Variants in SLC22A2 observed in about 807,000 individuals in gnomAD.
The protein encoded by SLC22A2 is solute carrier family 22 member 2.
A neutral mutation model predicts 60.5 loss-of-function variants in SLC22A2; 46 were observed. The ratio of observed to expected loss-of-function variants is 0.76; its 90% CI spans 0.60 to 0.97. The LOEUF (loss-of-function observed/expected upper bound fraction) is 0.97. Ranked by LOEUF, SLC22A2 falls within the 50% of genes least tolerant of loss-of-function variation. SLC22A2 has a pLI of 0.00. For missense variants in SLC22A2, 701 were observed against 706.6 expected, an observed-to-expected ratio of 0.99 and a Z score of 0.09; for synonymous variants, 303 against 267.0, an observed-to-expected ratio of 1.13 and a Z score of -1.31.
intron 2 of SLC22A2, among the ~76,000 whole-genome samples, chr6:160,252,331 T>G (rs1243006309): frequency 6.6e-6 from 1 of 152,194 alleles, no homozygotes; most frequent in Admixed American, 6.5e-5. Flanking sequence ...TAGTGCCCCA[T>G]GTAGATGGAC....
rs757654223 is a variant in SLC22A2, at chr6:160,247,715, G to C, written c.843-417C>G. On this transcript the variant is annotated intron_variant, in intron 4 of 10. Transcript: ENST00000366953. ...CCAAAGGAATGAGATAAGAATTTGA[G>C]GTCAGAGGGTGAGGTAACTGAAAAG... 5.5e-4 allele frequency among the ~76,000 whole-genome samples: 84 copies of C among 152,220 alleles called. 1 individual carries two copies. Among genetic ancestry groups the C allele is most frequent in the Non-Finnish European group, 1.0e-3 (68 of 68,034 alleles).
At chr6:160,228,501 TC>T (rs778484339) in intron 9 of SLC22A2, among the ~76,000 whole-genome samples, 19 of 152,310 alleles carry the variant, frequency 1.2e-4, no homozygotes, top group Non-Finnish European at 2.4e-4. Flanking sequence ...TAGAGGTCCC[TC>T]TCAGTAAAGT....
At chr6:160,234,840 T>G (rs928788335) in intron 9 of SLC22A2, among the ~76,000 whole-genome samples, 2 of 152,242 alleles carry the variant, frequency 1.3e-5, no homozygotes, top group African/African-American at 4.8e-5. Context: ...TTTACAATGG[T>G]GGCCCAGGGT....
At position 160,258,798 on chromosome 6, in the gene SLC22A2, C is replaced by G; in HGVS notation, c.-41G>C. The G allele has an allele frequency of 6.7e-7, 1 of 1,502,740 alleles. No homozygotes were observed. Among genetic ancestry groups the G allele is most frequent in the Non-Finnish European group, 8.9e-7 (1 of 1,126,988 alleles). 93.1% of individuals were successfully genotyped at this position (1,502,740 alleles called of 1,614,324 possible). A position where few individuals can be genotyped will look rare whatever the true frequency, so the allele number is the denominator to read the frequency against. On this transcript the variant is annotated 5_prime_UTR_variant, in exon 1 of 11. Transcript: ENST00000366953. The stretch of plus-strand genomic sequence containing the variant: ...AGGGCCCGAGGCTGCCCGACGTGCC[C>G]GGAGCGAGGCTGAGAGCGGCTGCAG...
At chr6:160,232,573 T>TA (rs35356995) in intron 9 of SLC22A2, among the ~76,000 whole-genome samples, 103,918 of 149,552 alleles carry the variant, frequency 0.69, 37,918 homozygotes, top group Admixed American at 0.81. Context: ...AATGCCTCTT[T>TA]AAAAAAAAAA....
chr6:160,254,217 G>A (rs1783232557), intron 2 of SLC22A2, among the ~76,000 whole-genome samples: 1 of 152,182 alleles, frequency 6.6e-6, no homozygotes, highest in Admixed American at 6.5e-5. Flanking sequence ...GGCAGAGGCT[G>A]CAGTGAGCCA....
chr6:160,236,097 C>A (rs1782906666), intron 9 of SLC22A2, among the ~76,000 whole-genome samples: 1 of 150,392 alleles, frequency 6.6e-6, no homozygotes, highest in Non-Finnish European at 1.5e-5. Context: ...TTACCATCCA[C>A]AGACAATTGT....
At position 160,217,202 on chromosome 6, in the gene SLC22A2, T is replaced by TG. The variant is rs1413201080; in HGVS notation, c.*229dup. On this transcript the variant is annotated 3_prime_UTR_variant, in exon 11 of 11. Transcript: ENST00000366953. ...AACCCTCCAGAAAACCAATGTCCAA[T>TG]GTCCTAGGAATGCTGAGAATAAAGT... The TG allele has an allele frequency of 5.3e-6, 2 of 378,792 alleles. No homozygotes were observed. Among genetic ancestry groups the TG allele is most frequent in the Non-Finnish European group, 9.4e-6 (2 of 213,542 alleles). 23.5% of individuals were successfully genotyped at this position (378,792 alleles called of 1,614,324 possible).
rs547681797 is a variant in SLC22A2 at position 160,258,482 on chromosome 6, G to A, written c.276C>T (p.Tyr92=). The A allele has an allele frequency of 1.1e-5, 17 of 1,614,154 alleles. No individual in the cohort carries two copies. Among genetic ancestry groups the A allele is most frequent in the South Asian group, 5.5e-5 (5 of 91,088 alleles). ...GEASPRQCRR[Y]EVDWNQSTFD... ...AGGTGCTCTGGTTCCAGTCCACCTCGTAGCGCCTACACTGTCTTGGGGAGG... is the reference window on the plus strand; with the variant it reads ...AGGTGCTCTGGTTCCAGTCCACCTCATAGCGCCTACACTGTCTTGGGGAGG... Residue 92 remains tyrosine, a synonymous_variant, in exon 1 of 11, where the codon TAC becomes TAT. Coordinates refer to ENST00000366953, the MANE Select transcript of SLC22A2 (RefSeq NM_003058.4).
chr6:160,243,938 G>A, intron 6 of SLC22A2, 152 bp from the exon 7 acceptor site: 1 of 610,754 alleles, frequency 1.6e-6, no homozygotes, highest in Non-Finnish European at 2.9e-6. Context: ...TATAATCTCT[G>A]ATCTACTTCA....
chr6:160,237,124 T>C (rs1782923071), intron 9 of SLC22A2, among the ~76,000 whole-genome samples: 1 of 152,194 alleles, frequency 6.6e-6, no homozygotes, highest in Non-Finnish European at 1.5e-5. Context: ...CTTTTCTTCC[T>C]GCACTTTAGA....
chr6:160,227,662 A>G (rs1407094862), intron 9 of SLC22A2, among the ~76,000 whole-genome samples: 1 of 152,200 alleles, frequency 6.6e-6, no homozygotes, highest in Non-Finnish European at 1.5e-5. Flanking sequence ...TTTCCTCGAC[A>G]TGTCAGAGGC....
At chr6:160,225,166 A>G (rs548298327) in intron 9 of SLC22A2, among the ~76,000 whole-genome samples, 15 of 152,192 alleles carry the variant, frequency 9.9e-5, no homozygotes, top group Non-Finnish European at 1.9e-4. Flanking sequence ...TTAGTAAGGA[A>G]AATAAGTCAG....
At chr6:160,246,653 A>G (rs1783099501) in intron 5 of SLC22A2, among the ~76,000 whole-genome samples, 1 of 152,194 alleles carries the variant, frequency 6.6e-6, no homozygotes, top group South Asian at 2.1e-4. Context: ...AGGCTGAAGC[A>G]GGAGAATCGC....
rs1298374172 is a variant in SLC22A2 at position 160,238,014 on chromosome 6, T to C, written c.1501+3460A>G. On this transcript the variant is annotated intron_variant, in intron 9 of 10. Coordinates refer to ENST00000366953, the MANE Select transcript of SLC22A2 (RefSeq NM_003058.4). ...ACTCATAAATAATCTACACTTTGTT[T>C]AGCATATAATTAAGAAATAACCATA... Among the ~76,000 whole-genome samples the C allele has an allele frequency of 5.9e-5, 9 of 152,274 alleles. No individual in the cohort carries two copies. In the East Asian group the frequency reaches 1.3e-3, roughly 23 times the overall value.
chr6:160,219,579 G>A (rs1339649946), intron 10 of SLC22A2, among the ~76,000 whole-genome samples: 1 of 144,520 alleles, frequency 6.9e-6, no homozygotes, highest in Non-Finnish European at 1.5e-5. Flanking sequence ...TTTTGAGCAA[G>A]TCCTTTACTT....
chr6:160,229,985 C>T (rs1014370098), intron 9 of SLC22A2, among the ~76,000 whole-genome samples: 6 of 151,768 alleles, frequency 4.0e-5, no homozygotes, highest in Middle Eastern at 6.8e-3. Flanking sequence ...CACATTGGTC[C>T]CTCCCTAGTC....
chr6:160,218,027 G>A (rs1782569468), intron 10 of SLC22A2: 1 of 160,884 alleles, frequency 6.2e-6, no homozygotes, highest in Non-Finnish European at 1.4e-5. Flanking sequence ...TCTTCATTTT[G>A]TTGTTCCCAG....
At chr6:160,226,731 AC>A (rs1782731142) in intron 9 of SLC22A2, among the ~76,000 whole-genome samples, 1 of 152,166 alleles carries the variant, frequency 6.6e-6, no homozygotes, top group African/African-American at 2.4e-5. Context: ...TTTTTCTTTA[AC>A]AATACCACCT....
Sources: gnomAD v4.1 joint callset for allele counts (sites outside exome capture counted in the v4.1 genomes callset) on GRCh38, gnomAD v4.1.1 for gene constraint, MANE v1.5 for transcripts, NCBI Gene and HGNC (gene_info 2026-07-23, HGNC 2026-07-21) for gene names.